MAP4K1: variants seen among roughly 807,000 people sequenced by gnomAD.
MAP4K1 encodes mitogen-activated protein kinase kinase kinase kinase 1.
MAP4K1 carries 35 observed loss-of-function variants against 122.8 expected under a neutral mutation model. That is an observed-to-expected ratio of 0.29 (90% CI 0.22 to 0.38). The LOEUF is 0.38. Ranked by LOEUF, MAP4K1 falls within the 10% of genes least tolerant of loss-of-function variation. MAP4K1 has a pLI of 1.00. For missense variants in MAP4K1, 791 were observed against 1,072.6 expected (o/e 0.74, Z 3.67); for synonymous variants, 412 against 421.3 (o/e 0.98, Z 0.27).
Position 38,597,298 on chromosome 19 carries a change from T to A in MAP4K1, c.1837+28A>T. The A allele has an allele frequency of 6.2e-7, 1 of 1,613,724 alleles. No homozygotes were observed. Among genetic ancestry groups the A allele is most frequent in the Non-Finnish European group, 8.5e-7 (1 of 1,179,934 alleles). On this transcript the variant is annotated intron_variant, in intron 24 of 30. Transcript: ENST00000396857. This position sits in a 1 kb window ranked among gnomAD's most constrained non-coding sequence, Gnocchi z 4.6. ...TCCTCTGGCCTGGCCCCGCCCACTC[T>A]CTGCACACCCGTGAAGCTCTCTCTC...
rs887167640 is a variant in MAP4K1 at position 38,617,490 on chromosome 19, G to A, written c.158-46C>T. The A allele has an allele frequency of 2.3e-5, 36 of 1,599,088 alleles. No homozygotes were observed. The highest frequency in any genetic ancestry group is 3.0e-5 in the Non-Finnish European group (35 of 1,166,524). ...AAAAGGCAGCTCGCATGGGGAGAGA[G>A]CTACAGGGGAGGTGATCCCAGTGTC... On this transcript the variant is annotated intron_variant, in intron 2 of 30. Coordinates refer to ENST00000396857, the MANE Select transcript of MAP4K1 (RefSeq NM_001042600.3). This position sits in a 1 kb window ranked among gnomAD's most constrained non-coding sequence, Gnocchi z 4.1.
intron 29 of MAP4K1, 55 bp downstream of exon 29, chr19:38,595,430 A>C (rs1974844095): frequency 6.4e-7 from 1 of 1,568,704 alleles, no homozygotes; most frequent in Non-Finnish European, 8.8e-7. Flanking sequence ...CATCTGATGA[A>C]TGTCATGATG....
intron 30 of MAP4K1, among the ~76,000 whole-genome samples, chr19:38,588,051 C>T (rs566758794): frequency 6.6e-6 from 1 of 152,238 alleles, no homozygotes; most frequent in South Asian, 2.1e-4. Context: ...AAACCTAACC[C>T]AGGAGGTCAG....
intron 19 of MAP4K1, among the ~76,000 whole-genome samples, chr19:38,604,053 G>C (rs1018127469): frequency 2.5e-4 from 37 of 145,816 alleles, no homozygotes; most frequent in Non-Finnish European, 3.6e-4. Flanking sequence ...TTGAGTCTCC[G>C]AGGTCAAGGC....
chr19:38,601,375 T>G (rs1462087866), intron 20 of MAP4K1, 66 bp downstream of exon 20: 11 of 1,440,668 alleles, frequency 7.6e-6, no homozygotes, highest in Non-Finnish European at 1.1e-5. Flanking sequence ...TCCTTAGGCT[T>G]CTCCCCACCC....
chr19:38,601,772 A>G (rs1975073610), intron 19 of MAP4K1: 1 of 471,960 alleles, frequency 2.1e-6, no homozygotes, highest in Non-Finnish European at 3.7e-6. Context: ...CCACTATCCT[A>G]AATCATCAGC....
chr19:38,617,197 AT>A lies in MAP4K1; in HGVS notation c.248+156del, dbSNP rs1975671231. ...GAGGCAGAGGTTGCAGTGAGCTGAG[AT>A]CATGCCACTGCACTCCAGCCTGGCA... is the stretch of plus-strand genomic sequence containing the variant. On this transcript the variant is annotated intron_variant, in intron 3 of 30. Transcript: ENST00000396857. This position sits in a 1 kb window ranked among gnomAD's most constrained non-coding sequence, Gnocchi z 4.1. 6.6e-6 allele frequency among the ~76,000 whole-genome samples: 1 copy of A among 151,956 alleles called. No homozygotes were observed. Among genetic ancestry groups the A allele is most frequent in the Non-Finnish European group, 1.5e-5 (1 of 68,000 alleles).
At chr19:38,611,570 C>T (rs1207117045) in intron 9 of MAP4K1, among the ~76,000 whole-genome samples, 1 of 151,548 alleles carries the variant, frequency 6.6e-6, no homozygotes, top group Non-Finnish European at 1.5e-5. Flanking sequence ...ATAGCTTGAG[C>T]CCAGGAGTTG....
chr19:38,601,053 G>A (rs182494283), intron 20 of MAP4K1, among the ~76,000 whole-genome samples: 7 of 152,096 alleles, frequency 4.6e-5, no homozygotes, highest in East Asian at 1.9e-4. Context: ...TGATCCGCCC[G>A]CCTCCGCCTC....
chr19:38,591,006 C>T (rs568530635), intron 30 of MAP4K1, among the ~76,000 whole-genome samples: 1 of 148,870 alleles, frequency 6.7e-6, no homozygotes, highest in South Asian at 2.2e-4. Flanking sequence ...CACACATATA[C>T]TTGTATGTGT....
rs928226210 is a variant in MAP4K1, at chr19:38,599,793, G to A, written c.1669+132C>T. 3 of 844,754 alleles carry A rather than the reference G, an allele frequency of 3.6e-6. No homozygotes were observed. The South Asian group carries it at 4.5e-5, about 13-fold the overall frequency. The allele number at this position is 844,754 out of a possible 1,614,324, so 52.3% of individuals were successfully genotyped here. On this transcript the variant is annotated intron_variant, in intron 22 of 30. Transcript: ENST00000396857. ...TGGGGAGCACAGTCAAAAAGTGTCT[G>A]GGATTTGAACCTAGGACTTTGTGAC...
At position 38,612,655 on chromosome 19, in the gene MAP4K1, T is replaced by C. The variant is rs779390370; in HGVS notation, c.621A>G (p.Glu207=). The part of the protein sequence containing the change: ...DIWSLGITAI[E]LAELQPPLFD... ...AGAGCGGTGGCTGTAGCTCGGCCAG[T>C]TCGATGGCCGTGATGCCCAGGGACC... The change falls in exon 9 of 31, where the codon GAA becomes GAG. Residue 207 remains glutamate (E), a synonymous_variant. Coordinates refer to ENST00000396857, the MANE Select transcript of MAP4K1 (RefSeq NM_001042600.3). 3 of 1,613,566 alleles carry C rather than the reference T, an allele frequency of 1.9e-6. No homozygotes were observed. Among genetic ancestry groups the C allele is most frequent in the Admixed American group, 3.3e-5 (2 of 59,978 alleles).
intron 22 of MAP4K1, among the ~76,000 whole-genome samples, chr19:38,598,454 G>T (rs372441607): frequency 6.6e-6 from 1 of 151,960 alleles, no homozygotes; most frequent in Non-Finnish European, 1.5e-5. Flanking sequence ...TCAGCCTCCC[G>T]AGTAGCTGGA....
intron 19 of MAP4K1, among the ~76,000 whole-genome samples, chr19:38,604,297 T>A (rs1186568962): frequency 1.3e-5 from 2 of 152,160 alleles, no homozygotes; most frequent in Non-Finnish European, 2.9e-5. Flanking sequence ...GAGATGTTCT[T>A]TTTGTACATC....
intron 29 of MAP4K1, among the ~76,000 whole-genome samples, chr19:38,594,131 A>C (rs1440273248): frequency 6.6e-6 from 1 of 152,072 alleles, no homozygotes. Context: ...CTTAAAGAGA[A>C]GCAACGTTGC....
chr19:38,590,965 TCA>T (rs58402161), intron 30 of MAP4K1, among the ~76,000 whole-genome samples: 8,068 of 136,690 alleles, frequency 0.059, 369 homozygotes, highest in South Asian at 0.16. Flanking sequence ...CATTAAAAAA[TCA>T]CACACACACA....
intron 30 of MAP4K1, among the ~76,000 whole-genome samples, chr19:38,589,765 C>T (rs1974649714): frequency 6.6e-6 from 1 of 152,104 alleles, no homozygotes; most frequent in Non-Finnish European, 1.5e-5. Flanking sequence ...TGCGGTGACC[C>T]CTGCCTATAA....
intron 22 of MAP4K1, among the ~76,000 whole-genome samples, chr19:38,599,116 G>T (rs948043877): frequency 1.1e-4 from 16 of 149,874 alleles, no homozygotes; most frequent in African/African-American, 3.9e-4. Context: ...ATCACCTGAG[G>T]TCAGGAGTTT....
chr19:38,602,803 T>C (rs867323895), intron 19 of MAP4K1, among the ~76,000 whole-genome samples: 7 of 119,624 alleles, frequency 5.9e-5, no homozygotes, highest in Non-Finnish European at 8.3e-5. Flanking sequence ...CACACATACA[T>C]ATATACATAT....
Sources: allele counts gnomAD v4.1 joint callset (sites outside exome capture counted in the v4.1 genomes callset), GRCh38; gene constraint gnomAD v4.1.1; non-coding constraint Gnocchi (gnomAD v3.1); transcripts MANE v1.5; gene names NCBI Gene and HGNC (gene_info 2026-07-23, HGNC 2026-07-21).